FREM1: variants seen among roughly 807,000 people sequenced by gnomAD.
FREM1 encodes the protein FRAS1 related extracellular matrix 1.
Under a neutral mutation model 210.1 loss-of-function variants are expected in FREM1, and 220 were observed. The observed-to-expected ratio is 1.05, with a 90% CI of 0.94 to 1.17. FREM1 has a LOEUF of 1.17. Among genes scored for constraint, FREM1 ranks in the 50% most tolerant of loss-of-function variants. The pLI is 0.00. For missense variants in FREM1, 3,454 were observed against 2,675.5 expected (o/e 1.29, Z -6.42); for synonymous variants, 1,189 against 980.2 (o/e 1.21, Z -3.98).
In FREM1 at chr9:14,812,981, G is replaced by A. The variant is rs760764918; in HGVS notation, c.2724C>T (p.Val908=). 2 of 1,613,464 alleles carry A rather than the reference G, an allele frequency of 1.2e-6. No homozygotes were observed. Among genetic ancestry groups the A allele is most frequent in the Non-Finnish European group, 1.7e-6 (2 of 1,179,426 alleles). The part of the protein sequence containing the change: ...VMNCSEGGEV[V]ITSEYIFATD... ...TAGCAAAAATGTATTCAGAGGTGAT[G>A]ACCACCTCTCCTCCCTCTGAGCAAT... is the stretch of plus-strand genomic sequence containing the variant. The change falls in exon 16 of 37, where the codon GTC becomes GTT. Residue 908 remains valine (V), a synonymous_variant. Transcript: ENST00000380880.
chr9:14,881,977 T>C (rs1428364002), intron 1 of FREM1, among the ~76,000 whole-genome samples: 1 of 152,128 alleles, frequency 6.6e-6, no homozygotes, highest in Non-Finnish European at 1.5e-5. Flanking sequence ...CATAGGTTGG[T>C]GGAGCTGTGA....
At chr9:14,878,975 G>A (rs1453083527) in intron 1 of FREM1, among the ~76,000 whole-genome samples, 2 of 152,018 alleles carry the variant, frequency 1.3e-5, no homozygotes, top group East Asian at 3.9e-4. Context: ...GGCCATCACG[G>A]TGAAACCCCT....
chr9:14,910,724 T>G (rs1359640996), upstream of FREM1: 3 of 152,366 alleles, frequency 2.0e-5, no homozygotes, highest in Non-Finnish European at 2.9e-5. Flanking sequence ...GGCACACACA[T>G]ACGCACAGGC....
At chr9:14,825,456 C>G (rs1822168575) in intron 10 of FREM1, among the ~76,000 whole-genome samples, 1 of 145,464 alleles carries the variant, frequency 6.9e-6, no homozygotes, top group African/African-American at 2.6e-5. Context: ...CCATTGCACT[C>G]CAGCCTGGAT....
At chr9:14,741,232 G>A (rs773275245) in intron 35 of FREM1, among the ~76,000 whole-genome samples, 1 of 152,058 alleles carries the variant, frequency 6.6e-6, no homozygotes, top group Non-Finnish European at 1.5e-5. Flanking sequence ...CAACACATTC[G>A]GGCAGATAGC....
intron 28 of FREM1, 120 bp downstream of exon 28, chr9:14,759,652 G>A (rs1845109009): frequency 1.2e-6 from 1 of 866,356 alleles, no homozygotes; most frequent in East Asian, 2.6e-5. Context: ...AGAATAGTGG[G>A]ATCTCCCTGC....
chr9:14,745,834 G>A (rs1326471809), intron 35 of FREM1, among the ~76,000 whole-genome samples: 2 of 152,150 alleles, frequency 1.3e-5, no homozygotes, highest in Admixed American at 6.5e-5. Context: ...TTTATTGAAT[G>A]TTCTTTTACC....
In FREM1 at chr9:14,737,498, C is replaced by G. The variant is rs754152526; in HGVS notation, c.6438G>C (p.Lys2146Asn). 1 of 1,613,616 alleles carries G rather than the reference C, an allele frequency of 6.2e-7. No homozygotes were observed. Among genetic ancestry groups the G allele is most frequent in the South Asian group, 1.1e-5 (1 of 91,010 alleles). ...NGRRGPSQRS[K>N]LGKSCVLVQR... Reference sequence around the variant, plus strand: ...GAACCAAAACACAGCTCTTTCCAAGCTTGGAGCGTTGAGAGGGCCCTCTTC... The same window carrying G: ...GAACCAAAACACAGCTCTTTCCAAGGTTGGAGCGTTGAGAGGGCCCTCTTC... Residue 2146 changes from lysine to asparagine, a missense_variant, in exon 37 of 37, where the codon AAG (lysine) becomes AAC (asparagine). Lys to Asn is a moderately conservative substitution (Grantham distance 94, BLOSUM62 0). Coordinates refer to ENST00000380880, the MANE Select transcript of FREM1 (RefSeq NM_001379081.2).
At chr9:14,791,820 G>GTTTGTTTTGTTTTGTTTTGT (rs71323912) in intron 22 of FREM1, among the ~76,000 whole-genome samples, 8 of 150,234 alleles carry the variant, frequency 5.3e-5, no homozygotes, top group East Asian at 2.0e-4. Context: ...TCAGATAATG[G>GTTTGTTTTGTTTTGTTTTGT]TTTGTTTTGT....
intron 3 of FREM1, among the ~76,000 whole-genome samples, chr9:14,860,608 T>G (rs1829727823): frequency 7.0e-6 from 1 of 143,242 alleles, no homozygotes; most frequent in African/African-American, 2.6e-5. Context: ...TATACACATA[T>G]ATACACACAT....
chr9:14,772,984 G>A (rs1463448945), intron 25 of FREM1, among the ~76,000 whole-genome samples: 3 of 152,126 alleles, frequency 2.0e-5, no homozygotes, highest in Non-Finnish European at 2.9e-5. Flanking sequence ...ACACGGTCCC[G>A]TCATGTCTCT....
chr9:14,813,117 C>A (rs1819703889), intron 15 of FREM1, 53 bp from the exon 16 acceptor site: 1 of 1,542,886 alleles, frequency 6.5e-7, no homozygotes, highest in African/African-American at 1.4e-5. Context: ...ATGACAAATT[C>A]TTTGACAGGT....
At chr9:14,831,429 A>G (rs541663103) in intron 10 of FREM1, among the ~76,000 whole-genome samples, 1 of 152,338 alleles carries the variant, frequency 6.6e-6, no homozygotes, top group Admixed American at 6.5e-5. Context: ...GTGAATGGAA[A>G]GTTTCTGCTT....
intron 10 of FREM1, among the ~76,000 whole-genome samples, chr9:14,830,743 G>A (rs371302439): frequency 2.0e-5 from 3 of 152,034 alleles, no homozygotes; most frequent in South Asian, 4.1e-4. Flanking sequence ...ACGTGTGTCC[G>A]TGTCGTTTTA....
chr9:14,895,844 A>G (rs1022303583), intron 1 of FREM1, among the ~76,000 whole-genome samples: 1 of 152,094 alleles, frequency 6.6e-6, no homozygotes, highest in Non-Finnish European at 1.5e-5. Context: ...ACCCCTATTC[A>G]GCCTGAAGAA....
chr9:14,890,407 T>C (rs1462250738), intron 1 of FREM1, among the ~76,000 whole-genome samples: 1 of 152,214 alleles, frequency 6.6e-6, no homozygotes, highest in Non-Finnish European at 1.5e-5. Flanking sequence ...CCCAAATACA[T>C]TTGAAGCACA....
intron 30 of FREM1, among the ~76,000 whole-genome samples, chr9:14,749,824 G>T (rs1051875101): frequency 2.6e-5 from 4 of 152,124 alleles, no homozygotes; most frequent in Admixed American, 6.5e-5. Context: ...CAGACTCTGG[G>T]GAAAATAATT....
intron 1 of FREM1, among the ~76,000 whole-genome samples, chr9:14,907,893 G>A (rs1818055240): frequency 6.6e-6 from 1 of 152,168 alleles, no homozygotes; most frequent in Non-Finnish European, 1.5e-5. Context: ...ATGAGGAAGT[G>A]AAGCTTTGAG....
chr9:14,907,971 C>A (rs562695040), intron 1 of FREM1, among the ~76,000 whole-genome samples: 21 of 152,254 alleles, frequency 1.4e-4, no homozygotes, highest in African/African-American at 5.1e-4. Flanking sequence ...GGACAAGGAC[C>A]CTGCCTGTGC....
Sources: allele counts gnomAD v4.1 joint callset (sites outside exome capture counted in the v4.1 genomes callset), GRCh38; gene constraint gnomAD v4.1.1; transcripts MANE v1.5; gene names NCBI Gene and HGNC (gene_info 2026-07-23, HGNC 2026-07-21).